Variants in PCDH7 observed in about 807,000 individuals in gnomAD.
The protein encoded by PCDH7 is protocadherin 7.
A neutral mutation model predicts 58.9 loss-of-function variants in PCDH7; 17 were observed. That is an observed-to-expected ratio of 0.29 (90% CI 0.20 to 0.43). The LOEUF is 0.43. Among genes scored for constraint, PCDH7 ranks in the 20% least tolerant of loss-of-function variants. The pLI, the probability that PCDH7 is intolerant of heterozygous loss-of-function variation, is 1.00. For missense variants in PCDH7, 1,274 were observed against 1,441.0 expected (o/e 0.88, Z 1.88); for synonymous variants, 664 against 616.4 (o/e 1.08, Z -1.14).
chr4:30,778,922 GTCACA>G (rs907646132), intron 1 of PCDH7, among the ~76,000 whole-genome samples: 2 of 146,322 alleles, frequency 1.4e-5, no homozygotes, highest in Non-Finnish European at 3.0e-5. Flanking sequence ...AACATGTCCT[GTCACA>G]TCTCTGGGTT....
At chr4:31,091,084 C>T (rs1713187363) in intron 3 of PCDH7, among the ~76,000 whole-genome samples, 1 of 151,898 alleles carries the variant, frequency 6.6e-6, no homozygotes, top group Admixed American at 6.6e-5. Flanking sequence ...TTAGACTTTC[C>T]TTCTCCAAAA....
At chr4:31,096,506 TAG>T (rs1714006377) in intron 3 of PCDH7, among the ~76,000 whole-genome samples, 1 of 152,166 alleles carries the variant, frequency 6.6e-6, no homozygotes, top group Non-Finnish European at 1.5e-5. Flanking sequence ...GTAGCAAATT[TAG>T]AGTTTCTTTT....
At chr4:31,086,196 C>T (rs925938243) in intron 3 of PCDH7, among the ~76,000 whole-genome samples, 15 of 152,138 alleles carry the variant, frequency 9.9e-5, no homozygotes, top group African/African-American at 3.6e-4. Context: ...CCTATACTGT[C>T]TCACCACTTT....
At chr4:31,075,582 A>C (rs1261779653) in intron 3 of PCDH7, among the ~76,000 whole-genome samples, 1 of 152,170 alleles carries the variant, frequency 6.6e-6, no homozygotes, top group African/African-American at 2.4e-5. Context: ...GGAGTGAGAA[A>C]CAAAGGTGTG....
intron 2 of PCDH7, among the ~76,000 whole-genome samples, chr4:30,929,176 A>T (rs1744252500): frequency 6.6e-6 from 1 of 152,170 alleles, no homozygotes; most frequent in Admixed American, 6.5e-5. Context: ...AATTAAATAG[A>T]TGATTAAATT....
chr4:30,810,446 T>C (rs750191416), intron 1 of PCDH7, among the ~76,000 whole-genome samples: 1 of 151,962 alleles, frequency 6.6e-6, no homozygotes, highest in African/African-American at 2.4e-5. Context: ...TTTTTTTGCT[T>C]TTCTACTCAT....
intron 1 of PCDH7, among the ~76,000 whole-genome samples, chr4:30,760,150 C>T (rs1419683579): frequency 6.6e-6 from 1 of 152,178 alleles, no homozygotes; most frequent in Non-Finnish European, 1.5e-5. Flanking sequence ...AGTGTTTCTA[C>T]ATGTTTCTCA....
At chr4:30,836,948 G>C (rs1289041889) in intron 1 of PCDH7, among the ~76,000 whole-genome samples, 1 of 152,156 alleles carries the variant, frequency 6.6e-6, no homozygotes, top group Non-Finnish European at 1.5e-5. Context: ...GGCCAGCACA[G>C]TAGGACAGTT....
At chr4:31,028,005 G>A (rs2109180741) in intron 3 of PCDH7, among the ~76,000 whole-genome samples, 1 of 152,158 alleles carries the variant, frequency 6.6e-6, no homozygotes, top group South Asian at 2.1e-4. Flanking sequence ...TTTGTATTTA[G>A]ATGACTTATT....
At chr4:31,038,966 G>A (rs557200747) in intron 3 of PCDH7, among the ~76,000 whole-genome samples, 1 of 152,126 alleles carries the variant, frequency 6.6e-6, no homozygotes, top group Non-Finnish European at 1.5e-5. Flanking sequence ...TAACTTACCA[G>A]ATAGTGTTTT....
At chr4:30,950,138 C>G (rs970304065) in exon 3 of PCDH7, 1 of 152,636 alleles carries the variant, frequency 6.6e-6, no homozygotes, top group Non-Finnish European at 1.5e-5. Flanking sequence ...GCCATCACTA[C>G]CTTTCCCTTC....
intron 1 of PCDH7, among the ~76,000 whole-genome samples, chr4:30,749,274 C>T (rs1385120785): frequency 1.3e-5 from 2 of 152,196 alleles, no homozygotes; most frequent in Non-Finnish European, 2.9e-5. Flanking sequence ...CCTGTTACTG[C>T]TTTGAATTCA....
intron 1 of PCDH7, among the ~76,000 whole-genome samples, chr4:30,748,309 C>A (rs1010341315): frequency 1.3e-5 from 2 of 152,174 alleles, no homozygotes; most frequent in Non-Finnish European, 2.9e-5. Context: ...GCTTCAGTAT[C>A]CATCTGAGTT....
chr4:30,764,711 TTGTTTG>T (rs963345863), intron 1 of PCDH7, among the ~76,000 whole-genome samples: 3 of 16,586 alleles, frequency 1.8e-4, no homozygotes, highest in African/African-American at 1.1e-3. Flanking sequence ...TGTTTGGTGT[TTGTTTG>T]TTTGTTTGTT....
intron 1 of PCDH7, among the ~76,000 whole-genome samples, chr4:30,853,839 A>G (rs960169857): frequency 5.3e-5 from 8 of 151,966 alleles, no homozygotes; most frequent in East Asian, 1.9e-4. Flanking sequence ...GCCATTGTGT[A>G]CTCCAAAGTC....
At chr4:31,127,995 G>C (rs1011238837) in intron 3 of PCDH7, among the ~76,000 whole-genome samples, 2 of 151,146 alleles carry the variant, frequency 1.3e-5, no homozygotes, top group South Asian at 2.1e-4. Flanking sequence ...ATATGTGTGT[G>C]CATATATATG....
At chr4:30,812,516 A>T (rs1177371860) in intron 1 of PCDH7, among the ~76,000 whole-genome samples, 1 of 152,140 alleles carries the variant, frequency 6.6e-6, no homozygotes, top group Non-Finnish European at 1.5e-5. Context: ...TCTAGAATAA[A>T]CTCCAAATCC....
intron 1 of PCDH7, among the ~76,000 whole-genome samples, chr4:30,808,609 G>T (rs1041274020): frequency 6.6e-6 from 1 of 151,396 alleles, no homozygotes; most frequent in Non-Finnish European, 1.5e-5. Flanking sequence ...ACTTTTTTTT[G>T]TGGGGAAAAA....
chr4:30,937,744 G>C (rs1358148503), intron 2 of PCDH7, among the ~76,000 whole-genome samples: 1 of 151,844 alleles, frequency 6.6e-6, no homozygotes, highest in Non-Finnish European at 1.5e-5. Flanking sequence ...GACTCAGCTG[G>C]AGCTAGCATT....
Sources: allele counts gnomAD v4.1 joint callset (sites outside exome capture counted in the v4.1 genomes callset), GRCh38; gene constraint gnomAD v4.1.1; transcripts MANE v1.5; gene names NCBI Gene and HGNC (gene_info 2026-07-23, HGNC 2026-07-21).